LAMC3: variants seen among roughly 807,000 people sequenced by gnomAD.
LAMC3 encodes the protein laminin subunit gamma-3.
LAMC3 carries 128 observed loss-of-function variants against 173.8 expected under a neutral mutation model. The ratio of observed to expected loss-of-function variants is 0.74; its 90% CI spans 0.64 to 0.85. The LOEUF (loss-of-function observed/expected upper bound fraction) is 0.85. LAMC3 is among the 40% of genes least tolerant of loss of function. The pLI, the probability that LAMC3 is intolerant of heterozygous loss-of-function variation, is 0.00. For synonymous variants in LAMC3, 897 were observed against 909.1 expected (o/e 0.99, Z 0.24); for missense variants, 2,022 against 2,156.0 (o/e 0.94, Z 1.23).
intron 1 of LAMC3, among the ~76,000 whole-genome samples, chr9:131,019,925 G>C (rs373373517): frequency 1.3e-5 from 2 of 151,828 alleles, no homozygotes; most frequent in Non-Finnish European, 2.9e-5. Context: ...CAGCAGGAGC[G>C]CCAAGCTGTG....
At chr9:131,086,648 G>A (rs1830337393) in intron 25 of LAMC3, among the ~76,000 whole-genome samples, 1 of 135,248 alleles carries the variant, frequency 7.4e-6, no homozygotes, top group Non-Finnish European at 1.5e-5. Context: ...AGCACTTTGG[G>A]AGGCCAAGGC....
chr9:131,046,675 C>T (rs1028563061), intron 8 of LAMC3, among the ~76,000 whole-genome samples: 1 of 151,566 alleles, frequency 6.6e-6, no homozygotes, highest in South Asian at 2.1e-4. Flanking sequence ...CCCTTAACCG[C>T]TGTGGTGGCC....
intron 9 of LAMC3, 30 bp from the exon 10 acceptor site, chr9:131,052,461 A>C (rs200707221): frequency 1.6e-4 from 257 of 1,572,558 alleles, no homozygotes; most frequent in Non-Finnish European, 2.1e-4. Context: ...CCATATGAAG[A>C]CTGTCAAAGC....
In LAMC3 at chr9:131,085,731, T is replaced by C. The variant is rs1830320214; in HGVS notation, c.4230+8T>C. 2 of 1,613,764 alleles carry C rather than the reference T, an allele frequency of 1.2e-6. No homozygotes were observed. Among genetic ancestry groups the C allele is most frequent in the Non-Finnish European group, 1.7e-6 (2 of 1,179,880 alleles). On this transcript the variant is annotated splice_region_variant and intron_variant, in intron 25 of 27. Transcript: ENST00000361069. ...GCCAAGGACAGTGCCAAGGTCAGGGTGGTGGCTGTGACAACAGTGGCCTCC... is the reference window on the plus strand; with the variant it reads ...GCCAAGGACAGTGCCAAGGTCAGGGCGGTGGCTGTGACAACAGTGGCCTCC...
rs900991986 is a variant in LAMC3, at chr9:131,061,112, G to A, written c.2236G>A (p.Ala746Thr). 23 of 1,613,772 alleles carry A rather than the reference G, an allele frequency of 1.4e-5. No homozygotes were observed. The highest frequency in any genetic ancestry group is 2.2e-5 in the East Asian group (1 of 44,894). Residue 746 changes from alanine (A) to threonine (T), a missense_variant, in exon 13 of 28, where the codon GCG becomes ACG. Physicochemically the swap from Ala to Thr is moderately conservative, Grantham distance 58. Coordinates refer to ENST00000361069, the MANE Select transcript of LAMC3 (RefSeq NM_006059.4). ...CLPGFYGNPFAGQADDCQPCP... is the reference protein window; with the variant it reads ...CLPGFYGNPFTGQADDCQPCP... ...GCCAGGTTTCTATGGCAACCCTTTC[G>A]CGGGCCAAGCCGACGACTGCCAGCC...
At chr9:131,069,582 C>T (rs1830002324) in intron 16 of LAMC3, 90 bp from the exon 17 acceptor site, 1 of 1,359,808 alleles carries the variant, frequency 7.4e-7, no homozygotes, top group Admixed American at 2.0e-5. Context: ...ACCCAGAACC[C>T]AGCACGCACT....
chr9:131,089,544 AT>A (rs59946569), intron 27 of LAMC3, among the ~76,000 whole-genome samples: 111 of 139,188 alleles, frequency 8.0e-4, no homozygotes, highest in Middle Eastern at 7.6e-3. Flanking sequence ...CACCCAGCTA[AT>A]TTTTTTTTTT....
intron 9 of LAMC3, among the ~76,000 whole-genome samples, chr9:131,049,765 G>A (rs935326252): frequency 1.3e-5 from 2 of 152,094 alleles, no homozygotes; most frequent in Non-Finnish European, 2.9e-5. Context: ...CCCCTCACCC[G>A]CCAGGCCACT....
At chr9:131,059,646 C>G (rs1413556050) in intron 12 of LAMC3, among the ~76,000 whole-genome samples, 2 of 152,198 alleles carry the variant, frequency 1.3e-5, no homozygotes, top group Admixed American at 1.3e-4. Flanking sequence ...CACATAATCC[C>G]TCCCTGCTGC....
intron 14 of LAMC3, 97 bp from the exon 15 acceptor site, chr9:131,067,981 T>C: frequency 2.3e-6 from 3 of 1,322,654 alleles, no homozygotes; most frequent in South Asian, 1.2e-5. Flanking sequence ...GTATCATCTC[T>C]GGAGGCTCCC....
Position 131,072,766 on chromosome 9 carries a change from A to G in LAMC3, c.3348A>G (p.Ala1116=), listed in dbSNP as rs1308033985. 1.2e-6 allele frequency: 2 copies of G among 1,613,378 alleles called. No individual in the cohort carries two copies. Among genetic ancestry groups the G allele is most frequent in the South Asian group, 1.1e-5 (1 of 90,868 alleles). The change falls in exon 19 of 28, where the codon GCA becomes GCG. Residue 1116 remains alanine, a synonymous_variant. Coordinates refer to ENST00000361069, the MANE Select transcript of LAMC3 (RefSeq NM_006059.4). ...AGSQKTCTQL[A]DLEAVLESSE... ...CCCAGAAGACCTGCACCCAGCTGGC[A>G]GACCTGGAGGCAGTGCTGGAGTCCT...
intron 6 of LAMC3, among the ~76,000 whole-genome samples, chr9:131,040,637 G>C (rs1164713822): frequency 6.6e-6 from 1 of 152,178 alleles, no homozygotes. Context: ...GGGCCTGGCT[G>C]CTTCCCTGGG....
chr9:131,082,509 C>T (rs545889220), intron 24 of LAMC3, among the ~76,000 whole-genome samples: 11 of 152,136 alleles, frequency 7.2e-5, no homozygotes, highest in Non-Finnish European at 4.4e-5. Context: ...TATGGCTGTC[C>T]GGGTCCAATG....
At chr9:131,044,131 G>C (rs569474583) in intron 7 of LAMC3, among the ~76,000 whole-genome samples, 1 of 151,520 alleles carries the variant, frequency 6.6e-6, no homozygotes, top group Non-Finnish European at 1.5e-5. Flanking sequence ...GCTAATTTTT[G>C]TATTTTTAGT....
chr9:131,009,624 T>A lies in LAMC3; in HGVS notation c.373+37T>A. 1 of 1,551,426 alleles carries A rather than the reference T, an allele frequency of 6.4e-7. No homozygotes were observed. Reference sequence around the variant, plus strand: ...CTGGGGGCACCGCCACCGCACCCCGTGTCCCCACTCCACTGGGGGTCTGAG... The same window carrying A: ...CTGGGGGCACCGCCACCGCACCCCGAGTCCCCACTCCACTGGGGGTCTGAG... On this transcript the variant is annotated intron_variant, in intron 1 of 27. Transcript: ENST00000361069. The surrounding 1 kb of genome is among the most constrained non-coding windows in gnomAD (Gnocchi z 4.3).
chr9:131,062,705 C>A lies in LAMC3; in HGVS notation c.2347+1482C>A, dbSNP rs531875856. Reference sequence around the variant, plus strand: ...CCAACGTGGCAAAACCTCGTCTCTACTAAAAATACAAAAATTAGCCAGGAG... The same window carrying A: ...CCAACGTGGCAAAACCTCGTCTCTAATAAAAATACAAAAATTAGCCAGGAG... On this transcript the variant is annotated intron_variant, in intron 13 of 27. Coordinates refer to ENST00000361069, the MANE Select transcript of LAMC3 (RefSeq NM_006059.4). Among the ~76,000 whole-genome samples the A allele has an allele frequency of 2.8e-4, 42 of 151,970 alleles. 1 individual carries two copies. In the South Asian group the frequency reaches 8.1e-3, roughly 29 times the overall value.
chr9:131,078,378 A>G (rs759117088), intron 22 of LAMC3, among the ~76,000 whole-genome samples: 5 of 152,024 alleles, frequency 3.3e-5, no homozygotes, highest in South Asian at 2.1e-4. Flanking sequence ...TGTAGTCCCA[A>G]CTACTCGGGA....
rs535378359 is a variant in LAMC3, at chr9:131,037,127, C to T, written c.976+795C>T. ...GGGCACTGTCTGCAGGAGCTGCCCT[C>T]GCTGGCCTGCCTCCACCAGAGAGTC... On this transcript the variant is annotated intron_variant, in intron 4 of 27. Transcript: ENST00000361069. 3.3e-5 allele frequency among the ~76,000 whole-genome samples: 5 copies of T among 152,314 alleles called. No homozygotes were observed. The South Asian group carries it at 8.3e-4, about 25-fold the overall frequency.
At chr9:131,036,459 T>A in intron 4 of LAMC3, 127 bp downstream of exon 4, 1 of 1,028,686 alleles carries the variant, frequency 9.7e-7, no homozygotes, top group East Asian at 2.6e-5. Context: ...TCGGGGTCTC[T>A]GTGCTGCTGC....
Sources: gnomAD v4.1 joint callset for allele counts (sites outside exome capture counted in the v4.1 genomes callset) on GRCh38, gnomAD v4.1.1 for gene constraint, Gnocchi (gnomAD v3.1) non-coding constraint, MANE v1.5 for transcripts, NCBI Gene and HGNC (gene_info 2026-07-23, HGNC 2026-07-21) for gene names.